Variants in ITPR2 observed in about 807,000 individuals in gnomAD.
ITPR2 encodes the protein inositol 1,4,5-trisphosphate receptor type 2, also known as inositol 1,4,5-trisphosphate-gated calcium channel ITPR2.
Under a neutral mutation model 317.1 loss-of-function variants are expected in ITPR2, and 207 were observed. The ratio of observed to expected loss-of-function variants is 0.65; its 90% CI spans 0.58 to 0.73. The LOEUF is 0.73. Ranked by LOEUF, ITPR2 falls within the 30% of genes least tolerant of loss-of-function variation. The pLI, the probability that ITPR2 is intolerant of heterozygous loss-of-function variation, is 0.00. For synonymous variants in ITPR2, 1,156 were observed against 1,149.1 expected (o/e 1.01, Z -0.12); for missense variants, 2,613 against 3,284.0 (o/e 0.80, Z 4.99).
chr12:26,483,974 T>A, intron 41 of ITPR2, 76 bp from the exon 42 acceptor site: 1 of 1,233,834 alleles, frequency 8.1e-7, no homozygotes. Flanking sequence ...TTCCCATATG[T>A]GTGCTTTTCT....
At chr12:26,374,021 C>T (rs975554213) in intron 55 of ITPR2, among the ~76,000 whole-genome samples, 3 of 152,218 alleles carry the variant, frequency 2.0e-5, no homozygotes, top group African/African-American at 4.8e-5. Context: ...TTAGCTCCTA[C>T]CACTCCTGTT....
chr12:26,617,471 G>C (rs1448839433), intron 26 of ITPR2, among the ~76,000 whole-genome samples: 1 of 151,912 alleles, frequency 6.6e-6, no homozygotes, highest in Non-Finnish European at 1.5e-5. Flanking sequence ...TTGCAGACAG[G>C]TTTTACCAAA....
chr12:26,715,423 T>C lies in ITPR2; in HGVS notation c.731A>G (p.His244Arg). Residue 244 changes from histidine to arginine, a missense_variant, in exon 8 of 57, where the codon CAT (histidine) becomes CGT (arginine). Physicochemically the swap from His to Arg is conservative, Grantham distance 29 (BLOSUM62 0). Coordinates refer to ENST00000381340, the MANE Select transcript of ITPR2 (RefSeq NM_002223.4). ...AGTCAAAAACTTCTCTTGTTCCGCATGAAATAATCTAACAACGTCCCCCTA... is the reference window on the plus strand; with the variant it reads ...AGTCAAAAACTTCTCTTGTTCCGCACGAAATAATCTAACAACGTCCCCCTA... Reference protein sequence around the residue: ...LKGGDVVRLFHAEQEKFLTCD... With the variant: ...LKGGDVVRLFRAEQEKFLTCD... 1 of 1,613,314 alleles carries C rather than the reference T, an allele frequency of 6.2e-7. No homozygotes were observed. Among genetic ancestry groups the C allele is most frequent in the Non-Finnish European group, 8.5e-7 (1 of 1,179,550 alleles).
chr12:26,406,045 T>A (rs1410534506), intron 52 of ITPR2, among the ~76,000 whole-genome samples: 1 of 152,162 alleles, frequency 6.6e-6, no homozygotes, highest in Non-Finnish European at 1.5e-5. Context: ...ATGCTGATTT[T>A]AAAAATTTCA....
At chr12:26,342,382 G>A (rs1277738615) in intron 55 of ITPR2, among the ~76,000 whole-genome samples, 1 of 151,776 alleles carries the variant, frequency 6.6e-6, no homozygotes, top group Non-Finnish European at 1.5e-5. Context: ...TACAAATGAA[G>A]AAAGTGAGGT....
chr12:26,655,850 T>C lies in ITPR2; in HGVS notation c.2447A>G (p.Tyr816Cys), dbSNP rs1221373571. 3.7e-6 allele frequency: 6 copies of C among 1,605,756 alleles called. No individual in the cohort carries two copies. Among genetic ancestry groups the C allele is most frequent in the South Asian group, 1.1e-5 (1 of 90,004 alleles). Residue 816 changes from tyrosine (Y) to cysteine (C), a missense_variant and splice_region_variant, in exon 20 of 57, where the codon TAT becomes TGT. Physicochemically the swap from Tyr to Cys is radical, Grantham distance 194 (BLOSUM62 -2). Transcript: ENST00000381340. ...EIPTKITIHE[Y>C]DSITDSSRND... is the part of the protein sequence containing the mutation. ...TCTGGAAGAGTCTGTTATAGAATCA[T>C]ATCTGGAAATAGAGAAAGAAGATAA...
At chr12:26,684,995 A>T (rs1169849067) in intron 11 of ITPR2, among the ~76,000 whole-genome samples, 1 of 152,124 alleles carries the variant, frequency 6.6e-6, no homozygotes, top group Non-Finnish European at 1.5e-5. Context: ...AACATTTCTC[A>T]TGAATGAGAA....
chr12:26,583,182 A>C (rs1380325419), intron 32 of ITPR2, among the ~76,000 whole-genome samples: 5 of 152,072 alleles, frequency 3.3e-5, no homozygotes, highest in Non-Finnish European at 7.4e-5. Context: ...AGTAAATTAT[A>C]ATTGTTTTTA....
At chr12:26,525,921 C>T (rs1025257053) in intron 37 of ITPR2, among the ~76,000 whole-genome samples, 3 of 152,206 alleles carry the variant, frequency 2.0e-5, no homozygotes, top group African/African-American at 7.2e-5. Flanking sequence ...TAAGCCCCAA[C>T]CTCCAATCCA....
chr12:26,735,430 A>C (rs1949104564), intron 2 of ITPR2, among the ~76,000 whole-genome samples: 1 of 152,120 alleles, frequency 6.6e-6, no homozygotes, highest in African/African-American at 2.4e-5. Context: ...CAAAATGGGA[A>C]GGAAAAGAGT....
intron 54 of ITPR2, among the ~76,000 whole-genome samples, chr12:26,394,105 G>A (rs1480925065): frequency 6.6e-6 from 1 of 152,116 alleles, no homozygotes; most frequent in Non-Finnish European, 1.5e-5. Context: ...TAGAGATTTT[G>A]ATATACATGA....
At chr12:26,484,843 C>T (rs1029705281) in intron 41 of ITPR2, among the ~76,000 whole-genome samples, 1 of 152,076 alleles carries the variant, frequency 6.6e-6, no homozygotes, top group Non-Finnish European at 1.5e-5. Context: ...TCCGGAGTAG[C>T]TGGGACTACA....
chr12:26,629,044 C>T (rs1027359302), intron 22 of ITPR2, among the ~76,000 whole-genome samples: 3 of 152,144 alleles, frequency 2.0e-5, no homozygotes, highest in Admixed American at 6.5e-5. Flanking sequence ...TCAAAAGTGT[C>T]GTATTTGGAC....
chr12:26,493,314 C>A (rs571305262), intron 39 of ITPR2, among the ~76,000 whole-genome samples: 1 of 152,266 alleles, frequency 6.6e-6, no homozygotes, highest in Non-Finnish European at 1.5e-5. Flanking sequence ...CACAATATCC[C>A]AGTTTCAAAT....
chr12:26,823,842 C>T (rs1288290020), intron 1 of ITPR2, among the ~76,000 whole-genome samples: 1 of 152,178 alleles, frequency 6.6e-6, no homozygotes, highest in East Asian at 1.9e-4. Flanking sequence ...ATTACACACA[C>T]ACACACAAAT....
intron 2 of ITPR2, among the ~76,000 whole-genome samples, chr12:26,786,662 CAA>C (rs1010674143): frequency 2.0e-5 from 3 of 152,054 alleles, no homozygotes; most frequent in Admixed American, 6.5e-5. Flanking sequence ...GAGACACAGT[CAA>C]AAGAACATTT....
At chr12:26,420,526 A>G (rs1423247400) in intron 49 of ITPR2, among the ~76,000 whole-genome samples, 1 of 152,170 alleles carries the variant, frequency 6.6e-6, no homozygotes, top group Non-Finnish European at 1.5e-5. Flanking sequence ...GGTTACTATT[A>G]CATGTTTTGA....
chr12:26,651,980 G>A (rs1172355920), intron 21 of ITPR2, among the ~76,000 whole-genome samples: 1 of 152,174 alleles, frequency 6.6e-6, no homozygotes, highest in African/African-American at 2.4e-5. Context: ...TAGAAGCACT[G>A]CTTTTCCACA....
intron 54 of ITPR2, among the ~76,000 whole-genome samples, chr12:26,390,711 A>G (rs942733841): frequency 1.3e-5 from 2 of 152,224 alleles, no homozygotes; most frequent in Admixed American, 1.3e-4. Flanking sequence ...ACTGAATTGT[A>G]CATATTAAAT....
Sources: gnomAD v4.1 joint callset for allele counts (sites outside exome capture counted in the v4.1 genomes callset) on GRCh38, gnomAD v4.1.1 for gene constraint, MANE v1.5 for transcripts, NCBI Gene and HGNC (gene_info 2026-07-23, HGNC 2026-07-21) for gene names.